Variants in STPG2 observed in about 807,000 individuals in gnomAD.
The protein encoded by STPG2 is sperm-tail PG-rich repeat-containing protein 2.
STPG2 carries 56 observed loss-of-function variants against 54.2 expected under a neutral mutation model. That is an observed-to-expected ratio of 1.03 (90% CI 0.83 to 1.29). The LOEUF (loss-of-function observed/expected upper bound fraction) is 1.29, where lower values mean the gene tolerates loss of function less well. Among genes scored for constraint, STPG2 ranks in the 50% most tolerant of loss-of-function variants. STPG2 has a pLI of 0.00. For missense variants in STPG2, 596 were observed against 544.9 expected, an observed-to-expected ratio of 1.09 and a Z score of -0.93; for synonymous variants, 200 against 181.8, an observed-to-expected ratio of 1.10 and a Z score of -0.81.
chr4:97,531,214 G>A (rs995317386), intron 4 of STPG2, among the ~76,000 whole-genome samples: 3 of 152,148 alleles, frequency 2.0e-5, no homozygotes, highest in African/African-American at 7.2e-5. Flanking sequence ...AATAAATGTT[G>A]GTGAGGATGT....
At chr4:97,753,092 A>T (rs1429573539) in intron 9 of STPG2, among the ~76,000 whole-genome samples, 1 of 151,966 alleles carries the variant, frequency 6.6e-6, no homozygotes, top group Non-Finnish European at 1.5e-5. Context: ...GCATAATATT[A>T]ATAATTTTAA....
chr4:97,644,221 TA>T lies in STPG2; in HGVS notation c.1320+68477del, dbSNP rs1169460805. Among the ~76,000 whole-genome samples the T allele has an allele frequency of 7.2e-5, 11 of 151,950 alleles. No homozygotes were observed. In the East Asian group the frequency reaches 1.7e-3, roughly 24 times the overall value. ...ATTTAAGAGAAGTACCTGAGTGACA[TA>T]TTTCTTTTGACAATAAAATGAAAAA... is the stretch of plus-strand genomic sequence containing the variant. On this transcript the variant is annotated intron_variant, in intron 10 of 10. Coordinates refer to ENST00000295268, the MANE Select transcript of STPG2 (RefSeq NM_174952.3).
rs532130156 is a variant in STPG2, at chr4:97,632,613, C to T, written c.1321-73496G>A. On this transcript the variant is annotated intron_variant, in intron 10 of 10. Transcript: ENST00000295268. ...AAAGAATGTAACACATTTATTGACTCACAGATATCAATATGCTTTATACAT... is the reference window on the plus strand; with the variant it reads ...AAAGAATGTAACACATTTATTGACTTACAGATATCAATATGCTTTATACAT... Among the ~76,000 whole-genome samples, 216 of 152,168 alleles carry T rather than the reference C, an allele frequency of 1.4e-3. 1 individual carries two copies. In the South Asian group the frequency reaches 0.015, roughly 10 times the overall value.
intron 2 of STPG2, among the ~76,000 whole-genome samples, chr4:98,131,264 G>A (rs1323811614): frequency 6.6e-6 from 1 of 151,956 alleles, no homozygotes; most frequent in Non-Finnish European, 1.5e-5. Flanking sequence ...ACTGTATTAT[G>A]GCTCTAAGAT....
intron 4 of STPG2, among the ~76,000 whole-genome samples, chr4:97,485,624 C>T (rs1156573577): frequency 6.6e-6 from 1 of 151,734 alleles, no homozygotes; most frequent in Non-Finnish European, 1.5e-5. Context: ...TGAAAATGAC[C>T]ATACTGACAA....
chr4:97,459,501 G>A (rs1042102189), intron 4 of STPG2, among the ~76,000 whole-genome samples: 16 of 148,350 alleles, frequency 1.1e-4, no homozygotes, highest in Non-Finnish European at 3.0e-5. Context: ...GTGCAGTGGC[G>A]TGATCTCGGC....
intron 9 of STPG2, among the ~76,000 whole-genome samples, chr4:97,791,835 GT>G (rs1578567375): frequency 6.6e-6 from 1 of 151,644 alleles, no homozygotes; most frequent in East Asian, 1.9e-4. Context: ...AAAAAAGTAC[GT>G]TGATGAAACC....
intron 5 of STPG2, among the ~76,000 whole-genome samples, chr4:97,991,597 G>A (rs1196624871): frequency 6.6e-6 from 1 of 151,806 alleles, no homozygotes; most frequent in African/African-American, 2.4e-5. Context: ...TACAATGACT[G>A]ATTTTCCTCT....
At chr4:98,102,327 A>T (rs1243969472) in intron 5 of STPG2, among the ~76,000 whole-genome samples, 1 of 152,176 alleles carries the variant, frequency 6.6e-6, no homozygotes, top group Non-Finnish European at 1.5e-5. Context: ...TTTGTAAATG[A>T]AAGTTTTACT....
intron 4 of STPG2, among the ~76,000 whole-genome samples, chr4:97,508,645 T>C (rs1342914650): frequency 2.0e-5 from 3 of 152,132 alleles, no homozygotes; most frequent in Non-Finnish European, 4.4e-5. Context: ...ATTCACCATT[T>C]CATTAACTTA....
At chr4:97,923,912 G>A (rs1418189104) in intron 8 of STPG2, among the ~76,000 whole-genome samples, 1 of 152,160 alleles carries the variant, frequency 6.6e-6, no homozygotes. Context: ...TCGGCTCTCT[G>A]TAAAATGGGC....
At chr4:97,625,137 T>G (rs925101322) in intron 10 of STPG2, among the ~76,000 whole-genome samples, 1 of 152,212 alleles carries the variant, frequency 6.6e-6, no homozygotes, top group African/African-American at 2.4e-5. Flanking sequence ...CCATGTAGTC[T>G]GAGATATTTT....
At chr4:97,760,067 T>C (rs1008024307) in intron 9 of STPG2, among the ~76,000 whole-genome samples, 1 of 152,188 alleles carries the variant, frequency 6.6e-6, no homozygotes, top group African/African-American at 2.4e-5. Context: ...CTTACCATAT[T>C]ATATTATGGG....
rs183066450 is a variant in STPG2, at chr4:97,765,723, C to T, written c.1205-52909G>A. Among the ~76,000 whole-genome samples the T allele has an allele frequency of 4.2e-3, 643 of 152,214 alleles. 3 individuals carry two copies. The highest frequency in any genetic ancestry group is 0.024 in the South Asian group (117 of 4,822). On this transcript the variant is annotated intron_variant, in intron 9 of 10. Transcript: ENST00000295268. ...AATGCTTAGAGAAAACTGACTAATG[C>T]ATACAAACAAACTAATTCAGAGTCA...
chr4:97,874,968 C>T (rs7657684), intron 8 of STPG2, among the ~76,000 whole-genome samples: 1 of 151,718 alleles, frequency 6.6e-6, no homozygotes, highest in South Asian at 2.1e-4. Flanking sequence ...ATTTAAGCCA[C>T]CCAATTGAAG....
At chr4:97,945,164 G>C (rs1161464163) in intron 7 of STPG2, among the ~76,000 whole-genome samples, 1 of 152,064 alleles carries the variant, frequency 6.6e-6, no homozygotes, top group Non-Finnish European at 1.5e-5. Flanking sequence ...CACCCACGTA[G>C]TGTACATTGT....
chr4:97,793,580 A>G (rs1727076728), intron 9 of STPG2, among the ~76,000 whole-genome samples: 1 of 152,078 alleles, frequency 6.6e-6, no homozygotes, highest in African/African-American at 2.4e-5. Context: ...GGTTTCTAAA[A>G]GATATATTTC....
At chr4:97,916,813 C>G (rs373815852) in intron 8 of STPG2, 8 of 153,182 alleles carry the variant, frequency 5.2e-5, no homozygotes, top group African/African-American at 1.9e-4. Context: ...CTCGCCACTT[C>G]CAGCAGCAGC....
chr4:97,687,112 T>TTTTTTTA (rs1474266935), intron 10 of STPG2, among the ~76,000 whole-genome samples: 1 of 151,664 alleles, frequency 6.6e-6, no homozygotes, highest in Non-Finnish European at 1.5e-5. Flanking sequence ...GGCTAAATTT[T>TTTTTTTA]TTTTTTATTT....
Sources: allele counts gnomAD v4.1 joint callset (sites outside exome capture counted in the v4.1 genomes callset), GRCh38; gene constraint gnomAD v4.1.1; transcripts MANE v1.5; gene names NCBI Gene and HGNC (gene_info 2026-07-23, HGNC 2026-07-21).